The following CERS1 variants were observed in gnomAD, a reference collection of about 807,000 sequenced individuals.
The protein encoded by CERS1 is ceramide synthase 1.
A neutral mutation model predicts 35.7 loss-of-function variants in CERS1; 16 were observed. That is an observed-to-expected ratio of 0.45 (90% CI 0.30 to 0.68). The LOEUF is 0.68. CERS1 is among the 30% of genes least tolerant of loss of function. CERS1 has a pLI of 0.08. For missense variants in CERS1, 454 were observed against 453.9 expected, an observed-to-expected ratio of 1.00 and a Z score of 0.00; for synonymous variants, 243 against 201.6, an observed-to-expected ratio of 1.21 and a Z score of -1.74.
In CERS1 at chr19:18,895,151, G is replaced by A. The variant is rs555747519; in HGVS notation, c.249+673C>T. Among the ~76,000 whole-genome samples, 510 of 152,374 alleles carry A rather than the reference G, an allele frequency of 3.3e-3. 1 individual carries two copies. The highest frequency in any genetic ancestry group is 0.012 in the African/African-American group (489 of 41,588). On this transcript the variant is annotated intron_variant, in intron 1 of 7. Coordinates refer to ENST00000623882, the MANE Select transcript of CERS1 (RefSeq NM_021267.5). The surrounding 1 kb of genome is among the most constrained non-coding windows in gnomAD (Gnocchi z 6.4). ...CACCTCCAAGGGAGCGACCACTGGC[G>A]TGGCCAGAGCACCCAGGCCCTTGCC...
At position 18,880,348 on chromosome 19, in the gene CERS1, C is replaced by T; in HGVS notation, c.678G>A (p.Lys226=). 6.4e-7 allele frequency: 1 copy of T among 1,564,472 alleles called. No individual in the cohort carries two copies. The highest frequency in any genetic ancestry group is 8.7e-7 in the Non-Finnish European group (1 of 1,154,606). Residue 226 remains lysine (K), a synonymous_variant, in exon 4 of 8, where the codon AAG becomes AAA. Transcript: ENST00000623882. The stretch of plus-strand genomic sequence containing the variant: ...GCCGATGGTAGGAGCCGCCGCGGGA[C>T]TTGAAGTAAATGTTGAGCTTGGTGA... ...LEFTKLNIYF[K]SRGGSYHRLH...
chr19:18,877,443 C>T (rs1426247243), intron 6 of CERS1, among the ~76,000 whole-genome samples: 1 of 152,216 alleles, frequency 6.6e-6, no homozygotes, highest in Non-Finnish European at 1.5e-5. Context: ...AGAGACCTAG[C>T]TGATCTCTGG....
In CERS1 at chr19:18,868,926, C is replaced by G; in HGVS notation, c.*1059G>C. On this transcript the variant is annotated 3_prime_UTR_variant, in exon 8 of 8. Transcript: ENST00000623882. The stretch of plus-strand genomic sequence containing the variant: ...AGCCGCCGCGCGCGACAAGCGCCCC[C>G]GGGGCCGCCGCCCAACACGGGTTCG... 7.5e-7 allele frequency: 1 copy of G among 1,331,408 alleles called. No homozygotes were observed. The allele number at this position is 1,331,408 out of a possible 1,614,324, so 82.5% of individuals were successfully genotyped here.
At chr19:18,886,420 G>A (rs1277057265) in intron 2 of CERS1, among the ~76,000 whole-genome samples, 1 of 151,930 alleles carries the variant, frequency 6.6e-6, no homozygotes, top group Non-Finnish European at 1.5e-5. Flanking sequence ...GTGGTGGTGG[G>A]CGCCTGTGGT....
chr19:18,872,661 G>A (rs536422154), intron 6 of CERS1, among the ~76,000 whole-genome samples: 27 of 145,416 alleles, frequency 1.9e-4, no homozygotes, highest in African/African-American at 6.4e-4. Context: ...GATTACAGGC[G>A]CCTGCCACCA....
chr19:18,891,996 T>A (rs2056502963), intron 2 of CERS1, among the ~76,000 whole-genome samples: 1 of 150,742 alleles, frequency 6.6e-6, no homozygotes, highest in South Asian at 2.1e-4. Flanking sequence ...CGGGTTCAAG[T>A]GATTCTCCTG....
intron 6 of CERS1, among the ~76,000 whole-genome samples, chr19:18,871,754 C>A (rs1300514606): frequency 6.6e-6 from 1 of 152,226 alleles, no homozygotes; most frequent in African/African-American, 2.4e-5. Context: ...TGGTCTTTAT[C>A]TGAGAGGAGA....
intron 6 of CERS1, among the ~76,000 whole-genome samples, chr19:18,875,697 A>T (rs957252439): frequency 1.3e-5 from 2 of 152,202 alleles, no homozygotes; most frequent in Non-Finnish European, 2.9e-5. Flanking sequence ...TCATGAGACC[A>T]CAAGCTCAGA....
chr19:18,887,433 T>C (rs1039879829), intron 2 of CERS1, among the ~76,000 whole-genome samples: 1 of 151,708 alleles, frequency 6.6e-6, no homozygotes, highest in Admixed American at 6.6e-5. Context: ...ACAGAGGGGG[T>C]GGTTGAACAA....
At chr19:18,869,513 G>A in intron 7 of CERS1, 123 bp from the exon 8 acceptor site, 2 of 1,290,584 alleles carry the variant, frequency 1.5e-6, no homozygotes, top group South Asian at 1.5e-5. Flanking sequence ...TGGGAAGGGT[G>A]TGAAGCGGCG....
At chr19:18,880,727 C>T (rs1436570467) in intron 3 of CERS1, among the ~76,000 whole-genome samples, 1 of 151,932 alleles carries the variant, frequency 6.6e-6, no homozygotes, top group Admixed American at 6.6e-5. Context: ...GAGACAGGGT[C>T]TTGCTCTGTG....
Position 18,884,187 on chromosome 19 carries a change from A to G in CERS1, c.490T>C (p.Tyr164His). ...LQGSFYGHSI[Y>H]ATLYMDTWRK... ...CAGGTGTCCATGTATAGCGTAGCGTAGATGGAGTGGCCATAGAAGCTTCCC... is the reference window on the plus strand; with the variant it reads ...CAGGTGTCCATGTATAGCGTAGCGTGGATGGAGTGGCCATAGAAGCTTCCC... The change falls in exon 3 of 8, where the codon TAC becomes CAC. Residue 164 changes from tyrosine (Y) to histidine (H), a missense_variant. Physicochemically the swap from Tyr to His is moderately conservative, Grantham distance 83. Transcript: ENST00000623882. 6.2e-7 allele frequency: 1 copy of G among 1,613,620 alleles called. No individual in the cohort carries two copies. The highest frequency in any genetic ancestry group is 1.6e-4 in the Middle Eastern group (1 of 6,062).
In CERS1 at chr19:18,869,217, C is replaced by A; in HGVS notation, c.*768G>T. Reference sequence around the variant, plus strand: ...CCCGCGCCCTGGCCCGCTTGCGCCACGCTCAGCTCCCAGCCGCCCTCCGGG... The same window carrying A: ...CCCGCGCCCTGGCCCGCTTGCGCCAAGCTCAGCTCCCAGCCGCCCTCCGGG... On this transcript the variant is annotated 3_prime_UTR_variant, in exon 8 of 8. Transcript: ENST00000623882. 5.3e-6 allele frequency: 7 copies of A among 1,326,472 alleles called. No individual in the cohort carries two copies. Among genetic ancestry groups the A allele is most frequent in the Non-Finnish European group, 6.7e-6 (7 of 1,046,014 alleles). 82.2% of individuals were successfully genotyped at this position (1,326,472 alleles called of 1,614,324 possible).
chr19:18,879,725 C>T (rs1334694793), intron 4 of CERS1, among the ~76,000 whole-genome samples: 1 of 148,788 alleles, frequency 6.7e-6, no homozygotes, highest in African/African-American at 2.5e-5. Flanking sequence ...CAGTCCCTCC[C>T]CTTTCCTGCC....
In CERS1 at chr19:18,869,056, G is replaced by A. The variant is rs1475836646; in HGVS notation, c.*929C>T. The A allele has an allele frequency of 8.5e-5, 90 of 1,062,618 alleles. No homozygotes were observed. The highest frequency in any genetic ancestry group is 9.2e-5 in the Non-Finnish European group (81 of 880,824). The allele number at this position is 1,062,618 out of a possible 1,614,324, so 65.8% of individuals were successfully genotyped here. ...GCGCGCAGGCGGCAGGGGCCCGGGG[G>A]CGTAGCGCCAGCGCCAGGCGGAGGC... is the stretch of plus-strand genomic sequence containing the variant. On this transcript the variant is annotated 3_prime_UTR_variant, in exon 8 of 8. Coordinates refer to ENST00000623882, the MANE Select transcript of CERS1 (RefSeq NM_021267.5).
chr19:18,892,263 G>A (rs1350269880), intron 2 of CERS1, among the ~76,000 whole-genome samples: 2 of 152,046 alleles, frequency 1.3e-5, no homozygotes, highest in African/African-American at 4.8e-5. Flanking sequence ...CCATAGGGCA[G>A]CCAGAGGAAG....
Position 18,869,314 on chromosome 19 carries a change from C to T in CERS1, c.*671G>A, listed in dbSNP as rs2055916759. 1 of 1,522,468 alleles carries T rather than the reference C, an allele frequency of 6.6e-7. No homozygotes were observed. The highest frequency in any genetic ancestry group is 8.8e-7 in the Non-Finnish European group (1 of 1,142,278). 94.3% of individuals were successfully genotyped at this position (1,522,468 alleles called of 1,614,324 possible). A position where few individuals can be genotyped will look rare whatever the true frequency, so the allele number is the denominator to read the frequency against. Reference sequence around the variant, plus strand: ...TCGGGCGCTCAGCGGGTTCCACAGCCGACAGGTCGAAGACGACTGTCCACT... The same window carrying T: ...TCGGGCGCTCAGCGGGTTCCACAGCTGACAGGTCGAAGACGACTGTCCACT... On this transcript the variant is annotated 3_prime_UTR_variant, in exon 8 of 8. Transcript: ENST00000623882.
Position 18,870,521 on chromosome 19 carries a change from A to T in CERS1, c.*56T>A. ...GGTGGAGGGGCGGCCAAGGACGGGG[A>T]GCGTGGCCGGGGTATTCGGGGTGGG... On this transcript the variant is annotated 3_prime_UTR_variant, in exon 7 of 8. Transcript: ENST00000623882. The surrounding 1 kb of genome is among the most constrained non-coding windows in gnomAD (Gnocchi z 5.1). 1 of 46,932 alleles carries T rather than the reference A, an allele frequency of 2.1e-5. No individual in the cohort carries two copies. Among genetic ancestry groups the T allele is most frequent in the East Asian group, 6.4e-4 (1 of 1,556 alleles). The allele number at this position is 46,932 out of a possible 1,614,324, so 2.9% of individuals were successfully genotyped here.
chr19:18,885,686 A>AT (rs920494581), intron 2 of CERS1, among the ~76,000 whole-genome samples: 2,360 of 141,260 alleles, frequency 0.017, 61 homozygotes, highest in African/African-American at 0.056. Flanking sequence ...TGCCTGGCTA[A>AT]TTTTTTTTTT....
Sources: allele counts gnomAD v4.1 joint callset (sites outside exome capture counted in the v4.1 genomes callset), GRCh38; gene constraint gnomAD v4.1.1; non-coding constraint Gnocchi (gnomAD v3.1); transcripts MANE v1.5; gene names NCBI Gene and HGNC (gene_info 2026-07-23, HGNC 2026-07-21).